PSD3: variants seen among roughly 807,000 people sequenced by gnomAD.
The protein encoded by PSD3 is pleckstrin and Sec7 domain containing 3.
A neutral mutation model predicts 105.5 loss-of-function variants in PSD3; 49 were observed. The ratio of observed to expected loss-of-function variants is 0.46; its 90% CI spans 0.37 to 0.59. The LOEUF (loss-of-function observed/expected upper bound fraction) is 0.59, where lower values mean the gene tolerates loss of function less well. PSD3 is among the 20% of genes least tolerant of loss of function. The pLI is 0.00. For synonymous variants in PSD3, 557 were observed against 457.8 expected, an observed-to-expected ratio of 1.22 and a Z score of -2.77; for missense variants, 1,561 against 1,263.8, an observed-to-expected ratio of 1.24 and a Z score of -3.57.
chr8:19,013,457 C>T, intron 1 of PSD3, 106 bp downstream of exon 1: 1 of 1,486,890 alleles, frequency 6.7e-7, no homozygotes, highest in African/African-American at 1.4e-5. Context: ...ACCCAGGTGG[C>T]CCCGGGATCC....
chr8:18,735,034 C>T (rs933550814), intron 9 of PSD3, among the ~76,000 whole-genome samples: 8 of 152,222 alleles, frequency 5.3e-5, no homozygotes, highest in African/African-American at 1.4e-4. Context: ...TTGGCACATA[C>T]GCCGAGGACC....
At chr8:18,840,443 T>C (rs1814526134) in intron 4 of PSD3, among the ~76,000 whole-genome samples, 1 of 152,216 alleles carries the variant, frequency 6.6e-6, no homozygotes, top group Non-Finnish European at 1.5e-5. Flanking sequence ...GGATCTATCA[T>C]GAGCTTTCAT....
intron 1 of PSD3, among the ~76,000 whole-genome samples, chr8:19,024,828 C>T (rs1827486945): frequency 6.6e-6 from 1 of 152,050 alleles, no homozygotes; most frequent in Admixed American, 6.5e-5. Context: ...GCATGAAAAC[C>T]CTGAAGCATC....
intron 11 of PSD3, among the ~76,000 whole-genome samples, chr8:18,607,484 C>G (rs376929201): frequency 6.6e-6 from 1 of 151,986 alleles, no homozygotes; most frequent in African/African-American, 2.4e-5. Context: ...TCCTATGAAC[C>G]GGCAGCACTT....
In PSD3 at chr8:18,888,466, G is replaced by A. The variant is rs528012995; in HGVS notation, c.131-15733C>T. 8.6e-5 allele frequency among the ~76,000 whole-genome samples: 13 copies of A among 151,516 alleles called. No individual in the cohort carries two copies. The East Asian group carries it at 2.5e-3, about 29-fold the overall frequency. ...CTTGAGCAAGTTATTTAACCTCTGT[G>A]AGCCTCAATTTCCATCTGAAAAAAA... is the stretch of plus-strand genomic sequence containing the variant. On this transcript the variant is annotated intron_variant, in intron 2 of 15. Transcript: ENST00000327040.
rs1016544167 is a variant in PSD3 at position 18,976,903 on chromosome 8, G to A, written c.21+36660C>T. Among the ~76,000 whole-genome samples, 4 of 152,164 alleles carry A rather than the reference G, an allele frequency of 2.6e-5. No homozygotes were observed. In the East Asian group the frequency reaches 7.7e-4, roughly 29 times the overall value. The stretch of plus-strand genomic sequence containing the variant: ...ACCAAAGTATACAAAGGACGTATAT[G>A]TGGCTGTTATAGAGAATGAGGTAGT... On this transcript the variant is annotated intron_variant, in intron 1 of 15. Coordinates refer to ENST00000327040, the MANE Select transcript of PSD3 (RefSeq NM_015310.4).
intron 1 of PSD3, among the ~76,000 whole-genome samples, chr8:19,038,688 C>T (rs961216251): frequency 2.0e-5 from 3 of 152,144 alleles, no homozygotes; most frequent in Non-Finnish European, 4.4e-5. Context: ...TGTCAAACTA[C>T]TGGGCTCAAG....
intron 15 of PSD3, among the ~76,000 whole-genome samples, chr8:18,544,501 T>C (rs555912312): frequency 1.3e-5 from 2 of 151,982 alleles, no homozygotes; most frequent in East Asian, 1.9e-4. Flanking sequence ...TGCCTAAATA[T>C]AGCAAATAAC....
chr8:18,743,364 T>A (rs528992355), intron 9 of PSD3, among the ~76,000 whole-genome samples: 1 of 152,250 alleles, frequency 6.6e-6, no homozygotes, highest in Admixed American at 6.5e-5. Context: ...CCAAGGAGAA[T>A]GAACGGATGG....
chr8:18,711,786 G>C (rs908760535), intron 9 of PSD3, among the ~76,000 whole-genome samples: 2 of 152,066 alleles, frequency 1.3e-5, no homozygotes, highest in South Asian at 4.1e-4. Context: ...AGACCTGACA[G>C]GTATCTACAG....
At chr8:19,035,757 T>TG (rs200303408) in intron 1 of PSD3, among the ~76,000 whole-genome samples, 2,231 of 149,348 alleles carry the variant, frequency 0.015, 57 homozygotes, top group African/African-American at 0.051. Flanking sequence ...ATACTTTTTT[T>TG]GGGGGGGGTG....
intron 2 of PSD3, among the ~76,000 whole-genome samples, chr8:18,916,771 T>A (rs79422511): frequency 1.3e-5 from 2 of 151,950 alleles, no homozygotes; most frequent in African/African-American, 4.8e-5. Flanking sequence ...GTAAAGAATA[T>A]GTTAATTAAT....
intron 1 of PSD3, among the ~76,000 whole-genome samples, chr8:19,040,583 A>T (rs1828089036): frequency 6.6e-6 from 1 of 152,144 alleles, no homozygotes; most frequent in African/African-American, 2.4e-5. Flanking sequence ...TTACATTTTA[A>T]AAGATCACTT....
At chr8:18,781,542 A>G (rs1188467170) in intron 8 of PSD3, among the ~76,000 whole-genome samples, 1 of 152,184 alleles carries the variant, frequency 6.6e-6, no homozygotes, top group Non-Finnish European at 1.5e-5. Context: ...ACCGTGGAAC[A>G]TGGCCTGGAA....
intron 11 of PSD3, among the ~76,000 whole-genome samples, chr8:18,619,792 C>G (rs1805971859): frequency 6.6e-6 from 1 of 152,184 alleles, no homozygotes; most frequent in South Asian, 2.1e-4. Context: ...CATCACATGA[C>G]AGCAGACCCT....
intron 1 of PSD3, among the ~76,000 whole-genome samples, chr8:18,944,050 T>C (rs936623865): frequency 1.2e-4 from 19 of 152,188 alleles, no homozygotes; most frequent in African/African-American, 4.6e-4. Flanking sequence ...CCCACTACTA[T>C]ATCACATTAT....
intron 2 of PSD3, among the ~76,000 whole-genome samples, chr8:18,896,957 T>G (rs577334123): frequency 2.6e-4 from 40 of 152,002 alleles, no homozygotes; most frequent in Non-Finnish European, 5.0e-4. Context: ...ATTACAGGCA[T>G]GCACCACCAT....
intron 12 of PSD3, among the ~76,000 whole-genome samples, chr8:18,593,833 A>G (rs972117790): frequency 5.3e-5 from 8 of 151,790 alleles, no homozygotes; most frequent in Middle Eastern, 3.4e-3. Flanking sequence ...AGGGACATGG[A>G]TGAAGCTGGA....
chr8:19,043,194 C>T (rs571819927), intron 1 of PSD3, among the ~76,000 whole-genome samples: 5 of 152,276 alleles, frequency 3.3e-5, no homozygotes, highest in Admixed American at 2.6e-4. Flanking sequence ...ATATGATAGA[C>T]TGGCAAATAG....
Sources: allele counts gnomAD v4.1 joint callset (sites outside exome capture counted in the v4.1 genomes callset), GRCh38; gene constraint gnomAD v4.1.1; transcripts MANE v1.5; gene names NCBI Gene and HGNC (gene_info 2026-07-23, HGNC 2026-07-21).